The following EPSTI1 variants were observed in gnomAD, a reference collection of about 807,000 sequenced individuals.
EPSTI1 encodes the protein epithelial-stromal interaction protein 1.
Under a neutral mutation model 49.9 loss-of-function variants are expected in EPSTI1, and 66 were observed. The observed-to-expected ratio is 1.32, with a 90% CI of 1.08 to 1.62. The LOEUF (loss-of-function observed/expected upper bound fraction) is 1.62. Ranked by LOEUF, EPSTI1 falls within the 40% of genes most tolerant of loss-of-function variation. The pLI is 0.00. For synonymous variants in EPSTI1, 137 were observed against 130.7 expected (o/e 1.05, Z -0.33); for missense variants, 394 against 365.5 (o/e 1.08, Z -0.64).
chr13:42,889,893 TCTTC>T (rs2036977750), intron 10 of EPSTI1, among the ~76,000 whole-genome samples: 1 of 152,172 alleles, frequency 6.6e-6, no homozygotes, highest in Non-Finnish European at 1.5e-5. Context: ...AATGTAAAAG[TCTTC>T]CTTCCTACTT....
intron 6 of EPSTI1, among the ~76,000 whole-genome samples, chr13:42,939,262 A>G (rs563761037): frequency 6.6e-5 from 10 of 152,178 alleles, no homozygotes; most frequent in Admixed American, 1.3e-4. Context: ...TTGCCTTCGT[A>G]TCATTCACAT....
intron 7 of EPSTI1, among the ~76,000 whole-genome samples, chr13:42,925,453 A>C (rs752713584): frequency 1.5e-4 from 23 of 151,838 alleles, no homozygotes; most frequent in Admixed American, 4.6e-4. Context: ...GTGTGGGGGC[A>C]TTTCTAGATG....
intron 7 of EPSTI1, among the ~76,000 whole-genome samples, chr13:42,923,685 C>G (rs572573698): frequency 6.6e-6 from 1 of 152,224 alleles, no homozygotes; most frequent in African/African-American, 2.4e-5. Flanking sequence ...CTTCTGCCTA[C>G]ACACACAATA....
At chr13:42,969,962 C>A (rs1407621105) in intron 2 of EPSTI1, 7 of 152,224 alleles carry the variant, frequency 4.6e-5, no homozygotes, top group Admixed American at 3.9e-4. Flanking sequence ...TTCCCATAGT[C>A]CCTGCATGGC....
intron 7 of EPSTI1, chr13:42,919,259 T>G: frequency 1.9e-6 from 3 of 1,604,912 alleles, no homozygotes; most frequent in Non-Finnish European, 8.5e-7. Context: ...CATCCAAACT[T>G]ATGAAAAGTT....
intron 1 of EPSTI1, among the ~76,000 whole-genome samples, chr13:42,974,440 G>A (rs180681748): frequency 1.3e-3 from 193 of 152,260 alleles, no homozygotes; most frequent in African/African-American, 4.5e-3. Context: ...GGCGGATCAC[G>A]AGGTCAGGAG....
At chr13:42,955,943 T>C (rs2039256373) in intron 5 of EPSTI1, among the ~76,000 whole-genome samples, 1 of 151,478 alleles carries the variant, frequency 6.6e-6, no homozygotes, top group African/African-American at 2.4e-5. Flanking sequence ...TCAATCCCTA[T>C]TCATATCAAA....
chr13:42,941,614 T>TG (rs1370668277), intron 6 of EPSTI1, among the ~76,000 whole-genome samples: 6 of 113,558 alleles, frequency 5.3e-5, no homozygotes, highest in Middle Eastern at 3.8e-3. Flanking sequence ...AGCAAGACAC[T>TG]GGAAAAAAAA....
intron 6 of EPSTI1, among the ~76,000 whole-genome samples, chr13:42,939,979 T>G (rs1186942815): frequency 6.6e-6 from 1 of 152,236 alleles, no homozygotes; most frequent in African/African-American, 2.4e-5. Context: ...AGTTTCTCCA[T>G]TTATTCTCTT....
rs1298812400 is a variant in EPSTI1 at position 42,888,394 on chromosome 13, G to A, written c.*100C>T. On this transcript the variant is annotated 3_prime_UTR_variant, in exon 11 of 11. Transcript: ENST00000313624. ...CAAGTGTGTGGGCAGTTGAAATTAA[G>A]GTAAAAACAGTGAGGCTGAACAAAA... 1 of 1,614,046 alleles carries A rather than the reference G, an allele frequency of 6.2e-7. No homozygotes were observed. Among genetic ancestry groups the A allele is most frequent in the East Asian group, 2.2e-5 (1 of 44,876 alleles).
intron 5 of EPSTI1, among the ~76,000 whole-genome samples, 184 bp from the exon 6 acceptor site, chr13:42,954,205 G>GAGCT (rs2039190557): frequency 6.6e-6 from 1 of 152,140 alleles, no homozygotes; most frequent in Non-Finnish European, 1.5e-5. Context: ...TGAAAGCCAG[G>GAGCT]AGCTCCAAGT....
intron 5 of EPSTI1, 117 bp from the exon 6 acceptor site, chr13:42,954,138 A>G (rs2039188429): frequency 2.7e-6 from 2 of 745,012 alleles, no homozygotes; most frequent in Non-Finnish European, 4.3e-6. Context: ...AGTCTAATAC[A>G]GTATCCTGCT....
intron 10 of EPSTI1, among the ~76,000 whole-genome samples, chr13:42,890,800 T>C (rs1230876226): frequency 3.9e-5 from 6 of 152,154 alleles, no homozygotes; most frequent in Middle Eastern, 3.2e-3. Flanking sequence ...TCATCTGTGA[T>C]TTATAAAGGC....
intron 6 of EPSTI1, among the ~76,000 whole-genome samples, chr13:42,948,068 C>A (rs966271988): frequency 4.6e-5 from 7 of 152,248 alleles, no homozygotes; most frequent in African/African-American, 1.7e-4. Context: ...GCGCTCTCCA[C>A]GGTGTTCCCG....
intron 6 of EPSTI1, among the ~76,000 whole-genome samples, chr13:42,928,561 A>G (rs190047216): frequency 2.0e-5 from 3 of 152,260 alleles, no homozygotes; most frequent in Non-Finnish European, 4.4e-5. Context: ...TTCTTCCTCT[A>G]TTCTCCATAG....
intron 5 of EPSTI1, among the ~76,000 whole-genome samples, chr13:42,961,322 A>C (rs1359965871): frequency 6.6e-6 from 1 of 152,210 alleles, no homozygotes; most frequent in Admixed American, 6.5e-5. Flanking sequence ...GTCGGTTTCA[A>C]ACTGACAATG....
In EPSTI1 at chr13:42,926,780, C is replaced by G. The variant is rs113798033; in HGVS notation, c.564-351G>C. 5.6e-3 allele frequency among the ~76,000 whole-genome samples: 852 copies of G among 152,294 alleles called. 13 individuals are homozygous for G. The highest frequency in any genetic ancestry group is 0.019 in the African/African-American group (800 of 41,550). ...CTATCTGAACATTTAATGCTTAACACTCAGACTTCAGGGTGGAGCTGTGGA... is the reference window on the plus strand; with the variant it reads ...CTATCTGAACATTTAATGCTTAACAGTCAGACTTCAGGGTGGAGCTGTGGA... On this transcript the variant is annotated intron_variant, in intron 6 of 10. Coordinates refer to ENST00000313624, the MANE Select transcript of EPSTI1 (RefSeq NM_033255.5).
At chr13:42,947,800 A>G (rs2038964326) in intron 6 of EPSTI1, among the ~76,000 whole-genome samples, 1 of 151,978 alleles carries the variant, frequency 6.6e-6, no homozygotes, top group Non-Finnish European at 1.5e-5. Context: ...CTTATCTCCT[A>G]CTGTTTCTCT....
At chr13:42,894,903 A>C in intron 10 of EPSTI1, 106 bp downstream of exon 10, 1 of 973,664 alleles carries the variant, frequency 1.0e-6, no homozygotes, top group Non-Finnish European at 1.5e-6. Flanking sequence ...CAGCACAACA[A>C]CAAAAACGTA....
Sources: allele counts gnomAD v4.1 joint callset (sites outside exome capture counted in the v4.1 genomes callset), GRCh38; gene constraint gnomAD v4.1.1; transcripts MANE v1.5; gene names NCBI Gene and HGNC (gene_info 2026-07-23, HGNC 2026-07-21).